The following TMPRSS11B variants were observed in gnomAD, a reference collection of about 807,000 sequenced individuals.
TMPRSS11B encodes the protein transmembrane serine protease 11B, also known as transmembrane protease serine 11B.
TMPRSS11B carries 53 observed loss-of-function variants against 44.7 expected under a neutral mutation model. The observed-to-expected ratio is 1.19, with a 90% CI of 0.95 to 1.49. The LOEUF (loss-of-function observed/expected upper bound fraction) is 1.49, where lower values mean the gene tolerates loss of function less well. TMPRSS11B is among the 40% of genes most tolerant of loss of function. The pLI is 0.00. For missense variants in TMPRSS11B, 526 were observed against 494.8 expected, an observed-to-expected ratio of 1.06 and a Z score of -0.60; for synonymous variants, 140 against 159.2, an observed-to-expected ratio of 0.88 and a Z score of 0.91.
chr4:68,241,417 A>G (rs1247697267), intron 2 of TMPRSS11B, among the ~76,000 whole-genome samples: 2 of 152,152 alleles, frequency 1.3e-5, no homozygotes, highest in Non-Finnish European at 2.9e-5. Context: ...CTACAAGCCT[A>G]CTATAAGCTC....
At chr4:68,234,700 A>G in intron 4 of TMPRSS11B, 77 bp from the exon 5 acceptor site, 2 of 1,430,522 alleles carry the variant, frequency 1.4e-6, no homozygotes, top group Non-Finnish European at 1.9e-6. Context: ...AATTTCACAC[A>G]TTTTAATTAT....
chr4:68,242,284 T>TTATAATATATATAATATAATATTATA (rs1560445526), intron 1 of TMPRSS11B, among the ~76,000 whole-genome samples: 9 of 77,370 alleles, frequency 1.2e-4, no homozygotes, highest in African/African-American at 4.1e-4. Flanking sequence ...ATTATATATA[T>TTATAATATATATAATATAATATTATA]TATATTATAC....
intron 2 of TMPRSS11B, among the ~76,000 whole-genome samples, chr4:68,238,466 G>C (rs534462021): frequency 6.6e-6 from 1 of 151,770 alleles, no homozygotes; most frequent in East Asian, 1.9e-4. Context: ...GCTCCCAGCT[G>C]TAATCCCAGA....
intron 7 of TMPRSS11B, 154 bp from the exon 8 acceptor site, chr4:68,229,670 G>T (rs575498941): frequency 3.2e-6 from 2 of 618,674 alleles, no homozygotes; most frequent in South Asian, 2.7e-5. Context: ...ACATGGAGCT[G>T]TTGTAAATGT....
intron 2 of TMPRSS11B, among the ~76,000 whole-genome samples, chr4:68,239,885 T>C (rs1719777720): frequency 6.6e-6 from 1 of 152,162 alleles, no homozygotes; most frequent in Non-Finnish European, 1.5e-5. Flanking sequence ...GAGAAGAAGC[T>C]AGGGTTTGGA....
Position 68,226,687 on chromosome 4 carries a change from G to A in TMPRSS11B, c.*1224C>T, listed in dbSNP as rs1182503191. ...GAGTACTTTTTTAGTTTATTTTAAT[G>A]CCTTTAAGTTTTTGGTGACTTTTAC... On this transcript the variant is annotated 3_prime_UTR_variant, in exon 10 of 10. Transcript: ENST00000332644. The A allele has an allele frequency of 6.6e-6, 1 of 152,126 alleles. No individual in the cohort carries two copies. The highest frequency in any genetic ancestry group is 1.5e-5 in the Non-Finnish European group (1 of 68,008). 9.4% of individuals were successfully genotyped at this position (152,126 alleles called of 1,614,324 possible). A position where few individuals can be genotyped will look rare whatever the true frequency, so the allele number is the denominator to read the frequency against.
At position 68,245,635 on chromosome 4, in the gene TMPRSS11B, T is replaced by A; in HGVS notation, c.-77A>T. On this transcript the variant is annotated 5_prime_UTR_variant, in exon 1 of 10. Coordinates refer to ENST00000332644, the MANE Select transcript of TMPRSS11B (RefSeq NM_182502.3). ...ACGAAGATAACGATAACGATGACAA[T>A]GCTGGTAATAGTGATGACAAAAGTT... 6.5e-7 allele frequency: 1 copy of A among 1,545,588 alleles called. No individual in the cohort carries two copies. Among genetic ancestry groups the A allele is most frequent in the East Asian group, 2.2e-5 (1 of 44,494 alleles).
At chr4:68,236,839 G>C (rs957378765) in intron 2 of TMPRSS11B, among the ~76,000 whole-genome samples, 2 of 151,888 alleles carry the variant, frequency 1.3e-5, no homozygotes, top group Admixed American at 1.3e-4. Context: ...ACACTGTCTT[G>C]CACCCTTTTG....
intron 2 of TMPRSS11B, among the ~76,000 whole-genome samples, chr4:68,238,458 T>TC (rs1719733437): frequency 6.6e-6 from 1 of 151,640 alleles, no homozygotes; most frequent in Admixed American, 6.6e-5. Flanking sequence ...GTGCGGTGGC[T>TC]CCCAGCTGTA....
chr4:68,235,644 T>C (rs570506152), intron 4 of TMPRSS11B, among the ~76,000 whole-genome samples: 2 of 152,146 alleles, frequency 1.3e-5, no homozygotes, highest in Non-Finnish European at 2.9e-5. Flanking sequence ...AACAAACCAG[T>C]TGAATTATTT....
At chr4:68,230,362 T>A (rs1719474577) in intron 7 of TMPRSS11B, among the ~76,000 whole-genome samples, 2 of 152,200 alleles carry the variant, frequency 1.3e-5, no homozygotes, top group South Asian at 4.1e-4. Flanking sequence ...TTGTAATACG[T>A]GTCATGTTTA....
intron 6 of TMPRSS11B, 44 bp from the exon 7 acceptor site, chr4:68,231,424 A>G (rs1719512829): frequency 7.3e-7 from 1 of 1,370,320 alleles, no homozygotes; most frequent in Non-Finnish European, 9.4e-7. Flanking sequence ...ATCTTTGATT[A>G]CGCATTATAA....
chr4:68,245,673 C>T lies in TMPRSS11B; in HGVS notation c.-115G>A, dbSNP rs879488245. 1.9e-5 allele frequency: 25 copies of T among 1,321,766 alleles called. No homozygotes were observed. The highest frequency in any genetic ancestry group is 8.7e-5 in the Admixed American group (5 of 57,756). 81.9% of individuals were successfully genotyped at this position (1,321,766 alleles called of 1,614,324 possible). A position where few individuals can be genotyped will look rare whatever the true frequency, so the allele number is the denominator to read the frequency against. On this transcript the variant is annotated 5_prime_UTR_variant, in exon 1 of 10. Coordinates refer to ENST00000332644, the MANE Select transcript of TMPRSS11B (RefSeq NM_182502.3). ...GATGACAAAAGTTAGAACCTTCTGA[C>T]GCAGCTTTTGACTTATGTGCTACAT...
intron 8 of TMPRSS11B, 126 bp downstream of exon 8, chr4:68,229,131 C>T: frequency 9.4e-7 from 1 of 1,066,064 alleles, no homozygotes; most frequent in South Asian, 1.7e-5. Context: ...TGTCCCACCA[C>T]TTGGTTTTCT....
chr4:68,238,855 A>G (rs948011790), intron 2 of TMPRSS11B, among the ~76,000 whole-genome samples: 1 of 152,368 alleles, frequency 6.6e-6, no homozygotes, highest in Non-Finnish European at 1.5e-5. Context: ...CCAAATGACT[A>G]AAGTAAATAA....
chr4:68,237,821 G>C (rs1424437540), intron 2 of TMPRSS11B, among the ~76,000 whole-genome samples: 1 of 152,130 alleles, frequency 6.6e-6, no homozygotes, highest in African/African-American at 2.4e-5. Flanking sequence ...TTCAAGACCA[G>C]CCTGGACAGC....
At chr4:68,230,063 A>G (rs2109955261) in intron 7 of TMPRSS11B, among the ~76,000 whole-genome samples, 1 of 152,290 alleles carries the variant, frequency 6.6e-6, no homozygotes, top group African/African-American at 2.4e-5. Flanking sequence ...AATAGCCTGC[A>G]ACTGCATCCA....
chr4:68,228,347 C>A (rs1397107273), intron 9 of TMPRSS11B, among the ~76,000 whole-genome samples: 2 of 152,218 alleles, frequency 1.3e-5, no homozygotes, highest in Non-Finnish European at 2.9e-5. Context: ...GCTGCTTGCA[C>A]TGAGCTTAAG....
At chr4:68,232,438 A>C in intron 5 of TMPRSS11B, 22 bp from the exon 6 acceptor site, 4 of 1,606,910 alleles carry the variant, frequency 2.5e-6, no homozygotes, top group Non-Finnish European at 3.4e-6. Context: ...AAACAAAACA[A>C]AATATAAAAT....
Sources: allele counts gnomAD v4.1 joint callset (sites outside exome capture counted in the v4.1 genomes callset), GRCh38; gene constraint gnomAD v4.1.1; transcripts MANE v1.5; gene names NCBI Gene and HGNC (gene_info 2026-07-23, HGNC 2026-07-21).